The following ANO4 variants were observed in gnomAD, a reference collection of about 807,000 sequenced individuals.
ANO4 encodes the protein anoctamin 4, also known as anoctamin-4.
Under a neutral mutation model 141.9 loss-of-function variants are expected in ANO4, and 69 were observed. That is an observed-to-expected ratio of 0.49 (90% CI 0.40 to 0.59). The LOEUF (loss-of-function observed/expected upper bound fraction) is 0.59, where lower values mean the gene tolerates loss of function less well. ANO4 is among the 20% of genes least tolerant of loss of function. The probability of loss-of-function intolerance (pLI) is 0.00; values close to 1 mark genes in which losing one functional copy is unlikely to be tolerated. For missense variants in ANO4, 894 were observed against 1,162.2 expected, an observed-to-expected ratio of 0.77 and a Z score of 3.36; for synonymous variants, 350 against 394.3, an observed-to-expected ratio of 0.89 and a Z score of 1.33.
At chr12:100,795,804 C>T (rs192148040) in intron 1 of ANO4, among the ~76,000 whole-genome samples, 1 of 152,286 alleles carries the variant, frequency 6.6e-6, no homozygotes, top group Admixed American at 6.5e-5. Flanking sequence ...TTAGACTTTT[C>T]TAGGAGAACA....
At position 101,020,155 on chromosome 12, in the gene ANO4, AG is replaced by A; in HGVS notation, c.841+16del. 11 of 1,544,674 alleles carry A rather than the reference AG, an allele frequency of 7.1e-6. No individual in the cohort carries two copies. Among genetic ancestry groups the A allele is most frequent in the Non-Finnish European group, 9.8e-6 (11 of 1,121,414 alleles). On this transcript the variant is annotated intron_variant, in intron 9 of 27. Transcript: ENST00000392977. ...AAACAAGATTGGTAAGTAGTATGTT[AG>A]TATAACAAACTACATTTGGCATTTG...
chr12:100,994,716 A>C (rs564062335), intron 8 of ANO4, among the ~76,000 whole-genome samples: 8 of 152,286 alleles, frequency 5.3e-5, no homozygotes, highest in Middle Eastern at 3.4e-3. Context: ...CATATGTTTA[A>C]ATATATATTC....
At chr12:100,719,644 G>A (rs1001308234) in intron 1 of ANO4, among the ~76,000 whole-genome samples, 1 of 152,110 alleles carries the variant, frequency 6.6e-6, no homozygotes, top group Non-Finnish European at 1.5e-5. Flanking sequence ...TAGCACAGGG[G>A]CTGCCAAGAG....
chr12:100,855,784 A>T (rs2038133442), intron 1 of ANO4, among the ~76,000 whole-genome samples: 1 of 152,176 alleles, frequency 6.6e-6, no homozygotes, highest in African/African-American at 2.4e-5. Flanking sequence ...ATACCGACAT[A>T]AATTTAATAC....
chr12:100,976,383 G>A (rs1055460611), intron 7 of ANO4, among the ~76,000 whole-genome samples: 1 of 152,184 alleles, frequency 6.6e-6, no homozygotes, highest in Non-Finnish European at 1.5e-5. Context: ...AATTGCCTGC[G>A]AGCAAGCTTA....
chr12:101,055,862 G>C (rs923574932), intron 14 of ANO4, among the ~76,000 whole-genome samples: 1 of 152,140 alleles, frequency 6.6e-6, no homozygotes, highest in African/African-American at 2.4e-5. Context: ...GTAAGGGGCA[G>C]ATTTATTTCT....
At chr12:101,017,665 G>T (rs1462687581) in intron 8 of ANO4, among the ~76,000 whole-genome samples, 1 of 152,234 alleles carries the variant, frequency 6.6e-6, no homozygotes. Flanking sequence ...AGCCTTTGGA[G>T]CCAGACTGCC....
chr12:100,748,489 C>G (rs539528345), intron 3 of ANO4, among the ~76,000 whole-genome samples: 1 of 152,272 alleles, frequency 6.6e-6, no homozygotes, highest in East Asian at 1.9e-4. Context: ...ATCTGTGGCA[C>G]AGAGTAATGG....
At chr12:101,007,477 C>G (rs1290059649) in intron 8 of ANO4, among the ~76,000 whole-genome samples, 1 of 152,192 alleles carries the variant, frequency 6.6e-6, no homozygotes, top group African/African-American at 2.4e-5. Context: ...CAAACATCCT[C>G]TGAAGTGGGT....
intron 1 of ANO4, among the ~76,000 whole-genome samples, chr12:100,885,959 C>T (rs2039806347): frequency 6.6e-6 from 1 of 152,214 alleles, no homozygotes; most frequent in South Asian, 2.1e-4. Flanking sequence ...ATCTTGCCTA[C>T]CGAAATATTC....
chr12:100,921,855 T>C (rs1221955324), intron 2 of ANO4, among the ~76,000 whole-genome samples: 2 of 152,080 alleles, frequency 1.3e-5, no homozygotes, highest in African/African-American at 4.8e-5. Context: ...TATCATAAAG[T>C]GTTTGTGTTA....
intron 5 of ANO4, among the ~76,000 whole-genome samples, chr12:100,966,977 C>A (rs1313444699): frequency 1.3e-5 from 2 of 151,832 alleles, no homozygotes; most frequent in African/African-American, 4.8e-5. Flanking sequence ...TGGCATTTCT[C>A]CTGCCTTACT....
chr12:100,974,962 T>C, intron 7 of ANO4, 73 bp downstream of exon 7: 1 of 1,545,074 alleles, frequency 6.5e-7, no homozygotes, highest in Admixed American at 1.7e-5. Flanking sequence ...GACAAGGAGC[T>C]ATAAGCTGGG....
chr12:100,720,430 AGTCAGGAATGAGCTT>A (rs748651896), intron 1 of ANO4, among the ~76,000 whole-genome samples: 8 of 151,766 alleles, frequency 5.3e-5, no homozygotes, highest in Non-Finnish European at 1.0e-4. Flanking sequence ...AAAGGCCCTG[AGTCAGGAATGAGCTT>A]GTCATGTTCA....
intron 13 of ANO4, among the ~76,000 whole-genome samples, chr12:101,045,790 A>G (rs554791860): frequency 6.6e-6 from 1 of 152,218 alleles, no homozygotes; most frequent in Admixed American, 6.5e-5. Context: ...CCACATGATC[A>G]TTCTGTAGAC....
At chr12:101,064,682 A>ATAG (rs1566196599) in intron 14 of ANO4, among the ~76,000 whole-genome samples, 1 of 150,370 alleles carries the variant, frequency 6.7e-6, no homozygotes, top group Admixed American at 6.6e-5. Flanking sequence ...AATAATAATA[A>ATAG]TAATAATAAT....
chr12:100,871,774 C>T (rs1015268359), intron 1 of ANO4, among the ~76,000 whole-genome samples: 3 of 152,154 alleles, frequency 2.0e-5, no homozygotes, highest in Non-Finnish European at 4.4e-5. Context: ...AGGGAGCTCT[C>T]TGGAGTCTCT....
intron 14 of ANO4, among the ~76,000 whole-genome samples, chr12:101,070,421 A>G (rs1301522426): frequency 6.6e-6 from 1 of 152,158 alleles, no homozygotes; most frequent in East Asian, 1.9e-4. Flanking sequence ...ATTGGGGAAA[A>G]GTCTTTTCAA....
chr12:101,094,829 A>G (rs2049916879), intron 18 of ANO4, among the ~76,000 whole-genome samples: 1 of 150,216 alleles, frequency 6.7e-6, no homozygotes, highest in African/African-American at 2.5e-5. Context: ...CTACAAAAAA[A>G]TTAAAAAATT....
Sources: allele counts gnomAD v4.1 joint callset (sites outside exome capture counted in the v4.1 genomes callset), GRCh38; gene constraint gnomAD v4.1.1; transcripts MANE v1.5; gene names NCBI Gene and HGNC (gene_info 2026-07-23, HGNC 2026-07-21).